Variants in TPST1 observed in about 807,000 individuals in gnomAD.
The protein encoded by TPST1 is protein-tyrosine sulfotransferase 1.
TPST1 carries 20 observed loss-of-function variants against 34.8 expected under a neutral mutation model. The ratio of observed to expected loss-of-function variants is 0.57; its 90% confidence interval spans 0.40 to 0.84. TPST1 has a LOEUF of 0.84. Ranked by LOEUF, TPST1 falls within the 40% of genes least tolerant of loss-of-function variation. The probability of loss-of-function intolerance (pLI) is 0.00; values close to 1 mark genes in which losing one functional copy is unlikely to be tolerated. For synonymous variants in TPST1, 152 were observed against 159.4 expected, an observed-to-expected ratio of 0.95 and a Z score of 0.35; for missense variants, 353 against 455.5, an observed-to-expected ratio of 0.78 and a Z score of 2.05.
intron 1 of TPST1, among the ~76,000 whole-genome samples, chr7:66,213,707 G>A (rs145235925): frequency 0.015 from 2,251 of 150,238 alleles, 61 homozygotes; most frequent in East Asian, 0.093. Context: ...TCGTGCCACT[G>A]CACTCCAGCC....
Position 66,286,667 on chromosome 7 carries a change from C to T in TPST1, c.1002C>T (p.Asn334=). Residue 334 remains asparagine (N), a synonymous_variant, in exon 3 of 6, where the codon AAC becomes AAT. Coordinates refer to ENST00000304842, the MANE Select transcript of TPST1 (RefSeq NM_003596.4). ...LGYDPYANPP[N]YGKPDPKIIE... ...ATGACCCATATGCCAACCCACCTAA[C>T]TACGGAAAACCTGATCCCAAAATTA... is the stretch of plus-strand genomic sequence containing the variant. 6.3e-6 allele frequency: 10 copies of T among 1,592,584 alleles called. No homozygotes were observed. Among genetic ancestry groups the T allele is most frequent in the Non-Finnish European group, 7.7e-6 (9 of 1,168,088 alleles).
At chr7:66,345,966 C>G (rs892516147) in intron 3 of TPST1, among the ~76,000 whole-genome samples, 1 of 151,912 alleles carries the variant, frequency 6.6e-6, no homozygotes. Flanking sequence ...TCCCCTCCCC[C>G]ACCCACCTAC....
At chr7:66,287,602 C>T (rs1791070783) in intron 3 of TPST1, among the ~76,000 whole-genome samples, 1 of 123,772 alleles carries the variant, frequency 8.1e-6, no homozygotes, top group Non-Finnish European at 1.7e-5. Context: ...TCTCTGATGG[C>T]CAGTGATGAT....
At chr7:66,350,616 A>G (rs886255027) in intron 3 of TPST1, among the ~76,000 whole-genome samples, 9 of 152,168 alleles carry the variant, frequency 5.9e-5, no homozygotes, top group Non-Finnish European at 1.2e-4. Flanking sequence ...TAATGCAGCT[A>G]TATTTATAAG....
rs751257552 is a variant in TPST1, at chr7:66,241,180, C to T, written c.755C>T (p.Thr252Ile). 1 of 1,614,192 alleles carries T rather than the reference C, an allele frequency of 6.2e-7. No individual in the cohort carries two copies. The highest frequency in any genetic ancestry group is 1.1e-5 in the South Asian group (1 of 91,084). The change falls in exon 2 of 6, where the codon ACA becomes ATA. Residue 252 changes from threonine (T) to isoleucine (I), a missense_variant. By Grantham distance (89) the Thr-to-Ile change is moderately conservative (BLOSUM62 -1). Coordinates refer to ENST00000304842, the MANE Select transcript of TPST1 (RefSeq NM_003596.4). ...TTACATCCTGAACGGTGGATGAGAACACTCTTAAAGTTCCTCCAGATTCCA... is the reference window on the plus strand; with the variant it reads ...TTACATCCTGAACGGTGGATGAGAATACTCTTAAAGTTCCTCCAGATTCCA... ...LVLHPERWMR[T>I]LLKFLQIPWN...
At chr7:66,214,645 G>A (rs948528323) in intron 1 of TPST1, among the ~76,000 whole-genome samples, 1 of 150,468 alleles carries the variant, frequency 6.6e-6, no homozygotes, top group African/African-American at 2.4e-5. Context: ...ATGAAAGCCC[G>A]TCTCTATAAA....
chr7:66,328,935 AG>A (rs1228913010), intron 3 of TPST1, among the ~76,000 whole-genome samples: 1 of 51,720 alleles, frequency 1.9e-5, no homozygotes. Context: ...TTTTTGAGAC[AG>A]GGTCTCATTC....
chr7:66,308,705 TTATTTCTAGCCTG>T (rs1791470822), intron 3 of TPST1, among the ~76,000 whole-genome samples: 1 of 152,190 alleles, frequency 6.6e-6, no homozygotes, highest in African/African-American at 2.4e-5. Context: ...TTTCCCATTG[TTATTTCTAGCCTG>T]CAGCGAACAA....
intron 2 of TPST1, among the ~76,000 whole-genome samples, chr7:66,284,300 C>G (rs1790988046): frequency 6.6e-6 from 1 of 152,098 alleles, no homozygotes; most frequent in Non-Finnish European, 1.5e-5. Context: ...CTACTACATT[C>G]CAGTCAATTC....
intron 3 of TPST1, among the ~76,000 whole-genome samples, chr7:66,294,072 A>T (rs1326126726): frequency 6.6e-6 from 1 of 152,190 alleles, no homozygotes. Flanking sequence ...AAAGTGCACA[A>T]TTCAGTGGCA....
At chr7:66,242,358 T>G (rs1038481535) in intron 2 of TPST1, among the ~76,000 whole-genome samples, 5 of 152,178 alleles carry the variant, frequency 3.3e-5, no homozygotes, top group African/African-American at 9.7e-5. Flanking sequence ...TAAAAAATAC[T>G]TTCCTTGTGT....
At chr7:66,266,213 A>G (rs1030280952) in intron 2 of TPST1, among the ~76,000 whole-genome samples, 2 of 151,970 alleles carry the variant, frequency 1.3e-5, no homozygotes, top group African/African-American at 4.8e-5. Context: ...CACATTTCCC[A>G]TATTTCAGTA....
At chr7:66,285,891 C>CT (rs1035598545) in intron 2 of TPST1, among the ~76,000 whole-genome samples, 8 of 151,888 alleles carry the variant, frequency 5.3e-5, no homozygotes, top group South Asian at 2.1e-4. Flanking sequence ...AAAAACAGCC[C>CT]TTTTTTTTCT....
chr7:66,240,493 A>G lies in TPST1; in HGVS notation c.68A>G (p.Tyr23Cys). 1 of 1,614,190 alleles carries G rather than the reference A, an allele frequency of 6.2e-7. No individual in the cohort carries two copies. Among genetic ancestry groups the G allele is most frequent in the Non-Finnish European group, 8.5e-7 (1 of 1,180,022 alleles). The change falls in exon 2 of 6, where the codon TAC becomes TGC. Residue 23 changes from tyrosine to cysteine, a missense_variant. Physicochemically the swap from Tyr to Cys is radical, Grantham distance 194. Transcript: ENST00000304842. The stretch of plus-strand genomic sequence containing the variant: ...GTGATTAGTTCTGTGACTGTGTTTT[A>G]CCTGGGCCAGCATGCCATGGAATGC... ...CLVISSVTVF[Y>C]LGQHAMECHH...
chr7:66,269,275 G>C (rs892164855), intron 2 of TPST1, among the ~76,000 whole-genome samples: 9 of 152,164 alleles, frequency 5.9e-5, no homozygotes, highest in African/African-American at 2.2e-4. Flanking sequence ...TTTAATGTCA[G>C]AACCCAATAG....
intron 3 of TPST1, among the ~76,000 whole-genome samples, chr7:66,347,282 G>A (rs1328438467): frequency 6.6e-6 from 1 of 151,714 alleles, no homozygotes; most frequent in Non-Finnish European, 1.5e-5. Context: ...TGCCCGGGCT[G>A]GTCTCAAACT....
At chr7:66,296,823 C>T (rs1250597914) in intron 3 of TPST1, among the ~76,000 whole-genome samples, 3 of 151,674 alleles carry the variant, frequency 2.0e-5, no homozygotes, top group Non-Finnish European at 2.9e-5. Context: ...GGTAATGAAA[C>T]GTTAACATAT....
chr7:66,280,821 T>C (rs992901503), intron 2 of TPST1, among the ~76,000 whole-genome samples: 2 of 152,322 alleles, frequency 1.3e-5, no homozygotes, highest in Non-Finnish European at 2.9e-5. Context: ...ATTGCTCTTA[T>C]TGAAGTTTGA....
At chr7:66,338,789 G>T (rs1056781103) in intron 3 of TPST1, among the ~76,000 whole-genome samples, 1 of 151,644 alleles carries the variant, frequency 6.6e-6, no homozygotes, top group African/African-American at 2.4e-5. Flanking sequence ...AAAACCTATG[G>T]GATACAGCAA....
Sources: allele counts gnomAD v4.1 joint callset (sites outside exome capture counted in the v4.1 genomes callset), GRCh38; gene constraint gnomAD v4.1.1; transcripts MANE v1.5; gene names NCBI Gene and HGNC (gene_info 2026-07-23, HGNC 2026-07-21).